OPN4: variants seen among roughly 807,000 people sequenced by gnomAD.
OPN4 encodes the protein opsin 4, also known as melanopsin.
In OPN4, 43 loss-of-function variants were observed where a neutral mutation model predicts 49.5. The observed-to-expected ratio is 0.87, with a 90% CI of 0.68 to 1.12. The LOEUF (loss-of-function observed/expected upper bound fraction) is 1.12. OPN4 is among the 50% of genes most tolerant of loss of function. OPN4 has a pLI of 0.00. For synonymous variants in OPN4, 263 were observed against 258.0 expected, an observed-to-expected ratio of 1.02 and a Z score of -0.19; for missense variants, 657 against 643.9, an observed-to-expected ratio of 1.02 and a Z score of -0.22.
chr10:86,658,716 G>A (rs1483014017), intron 4 of OPN4, 29 bp downstream of exon 4: 1 of 1,605,186 alleles, frequency 6.2e-7, no homozygotes, highest in African/African-American at 1.3e-5. Flanking sequence ...CTGGAAGGGG[G>A]GCAGATGGGC....
chr10:86,660,149 C>A, intron 6 of OPN4, 90 bp downstream of exon 6: 4 of 1,438,992 alleles, frequency 2.8e-6, no homozygotes, highest in South Asian at 2.4e-5. Flanking sequence ...CAGCCCAACC[C>A]CGGCCAGCCA....
At chr10:86,659,848 G>T in intron 5 of OPN4, 47 bp from the exon 6 acceptor site, 1 of 1,602,564 alleles carries the variant, frequency 6.2e-7, no homozygotes, top group South Asian at 1.1e-5. Flanking sequence ...CCCTGGTGCT[G>T]ACTGCCACCC....
At position 86,661,309 on chromosome 10, in the gene OPN4, AGCTCGGT is replaced by A; in HGVS notation, c.997_1003del (p.Ser333GlnfsTer59). On this transcript the variant is annotated frameshift_variant, in exon 7 of 10. Coordinates refer to ENST00000241891, the MANE Select transcript of OPN4 (RefSeq NM_033282.4). LOFTEE classifies it high-confidence loss of function. ...CGCACACGTCCTGACACCCTACATG[AGCTCGGT>A]GCCAGCCGTCATCGCCAAGGCCTCT... 6.2e-7 allele frequency: 1 copy of A among 1,613,932 alleles called. No individual in the cohort carries two copies. Among genetic ancestry groups the A allele is most frequent in the Non-Finnish European group, 8.5e-7 (1 of 1,179,970 alleles).
intron 2 of OPN4, among the ~76,000 whole-genome samples, chr10:86,656,642 C>T (rs1025073988): frequency 1.3e-5 from 2 of 152,148 alleles, no homozygotes; most frequent in Non-Finnish European, 2.9e-5. Flanking sequence ...CATCCTCCCC[C>T]TGCGTTGAAG....
At position 86,666,417 on chromosome 10, in the gene OPN4, AG is replaced by A. The variant is rs768583751; in HGVS notation, c.*669del. ...CCTCCCAGGGCTGTGTGGATCTGAC[AG>A]GGTATAGGAAAATAAAAAGCGGAGA... On this transcript the variant is annotated 3_prime_UTR_variant, in exon 10 of 10. Transcript: ENST00000241891. 1.0e-5 allele frequency: 2 copies of A among 197,608 alleles called. No homozygotes were observed. Among genetic ancestry groups the A allele is most frequent in the Non-Finnish European group, 2.1e-5 (2 of 94,996 alleles). 12.2% of individuals were successfully genotyped at this position (197,608 alleles called of 1,614,324 possible).
intron 9 of OPN4, 86 bp from the exon 10 acceptor site, chr10:86,665,627 G>T: frequency 8.7e-7 from 1 of 1,147,448 alleles, no homozygotes. Context: ...CCCACTGCTC[G>T]GTGACCCAGT....
chr10:86,656,193 C>A lies in OPN4; in HGVS notation c.183C>A (p.Pro61=). 2 of 1,614,194 alleles carry A rather than the reference C, an allele frequency of 1.2e-6. No individual in the cohort carries two copies. The highest frequency in any genetic ancestry group is 1.7e-4 in the Middle Eastern group (1 of 6,060). ...GGGCTGCTGCCTGGGTCCCCCTCCC[C>A]ACGGTTGATGTTCCAGACCATGCCC... ...GTWAAAWVPL[P]TVDVPDHAHY... The change falls in exon 2 of 10, where the codon CCC becomes CCA. Residue 61 remains proline (P), a synonymous_variant. Coordinates refer to ENST00000241891, the MANE Select transcript of OPN4 (RefSeq NM_033282.4).
chr10:86,656,472 T>A, intron 2 of OPN4, among the ~76,000 whole-genome samples, 172 bp downstream of exon 2: 1 of 152,092 alleles, frequency 6.6e-6, no homozygotes, highest in Non-Finnish European at 1.5e-5. Context: ...TTCCTGAAGG[T>A]CACGGAAAGG....
rs775935585 is a variant in OPN4, at chr10:86,654,780, C to G, written c.-4C>G. The G allele has an allele frequency of 6.2e-7, 1 of 1,609,576 alleles. No homozygotes were observed. Among genetic ancestry groups the G allele is most frequent in the Non-Finnish European group, 8.5e-7 (1 of 1,176,780 alleles). On this transcript the variant is annotated 5_prime_UTR_variant, in exon 1 of 10. Coordinates refer to ENST00000241891, the MANE Select transcript of OPN4 (RefSeq NM_033282.4). ...GGCTCGAGCAAGGACCATCCCAACT[C>G]AGGATGAACCCTCCTTCGGGGCCAA... is the stretch of plus-strand genomic sequence containing the variant.
At position 86,660,021 on chromosome 10, in the gene OPN4, G is replaced by T. The variant is rs1564621113; in HGVS notation, c.927G>T (p.Trp309Cys). 1 of 1,614,192 alleles carries T rather than the reference G, an allele frequency of 6.2e-7. No individual in the cohort carries two copies. The highest frequency in any genetic ancestry group is 8.5e-7 in the Non-Finnish European group (1 of 1,180,038). ...TCATCCTCCTCTTCGTGCTCTCCTGGGCTCCCTATTCCGCTGTGGCCCTGG... is the reference window on the plus strand; with the variant it reads ...TCATCCTCCTCTTCGTGCTCTCCTGTGCTCCCTATTCCGCTGTGGCCCTGG... ...LLVILLFVLS[W>C]APYSAVALVA... is the part of the protein sequence containing the mutation. The change falls in exon 6 of 10, where the codon TGG becomes TGT. Residue 309 changes from tryptophan (W) to cysteine (C), a missense_variant. Transcript: ENST00000241891.
intron 9 of OPN4, chr10:86,664,078 G>A (rs1205302127): frequency 1.0e-5 from 4 of 401,278 alleles, no homozygotes; most frequent in Non-Finnish European, 1.8e-5. Flanking sequence ...GCTGTGCTGT[G>A]GCATGATAAG....
At chr10:86,665,051 G>A (rs2803553) in intron 9 of OPN4, among the ~76,000 whole-genome samples, 14,710 of 152,238 alleles carry the variant, frequency 0.097, 948 homozygotes, top group Middle Eastern at 0.14. Context: ...AGTGGGGGGA[G>A]CACTGAGCTG....
intron 1 of OPN4, 134 bp from the exon 2 acceptor site, chr10:86,656,021 T>C (rs1843852167): frequency 9.1e-7 from 1 of 1,093,998 alleles, no homozygotes; most frequent in South Asian, 1.5e-5. Context: ...GTGAGCTGTG[T>C]GTGCAACTGG....
intron 6 of OPN4, 66 bp downstream of exon 6, chr10:86,660,125 C>G: frequency 6.4e-7 from 1 of 1,564,452 alleles, no homozygotes; most frequent in Non-Finnish European, 8.8e-7. Context: ...GAAGCCTGGC[C>G]AGCCTCTCCT....
In OPN4 at chr10:86,663,794, C is replaced by G. The variant is rs753806379; in HGVS notation, c.1390C>G (p.Pro464Ala). Reference sequence around the variant, plus strand: ...ACCCCAGGGACACGAAGCAGAGACTCCAGGGAAGGTGACTGGGCCCGGTAC... The same window carrying G: ...ACCCCAGGGACACGAAGCAGAGACTGCAGGGAAGGTGACTGGGCCCGGTAC... ...PRPQGHEAET[P>A]GKTKGLIPSQ... The change falls in exon 9 of 10, where the codon CCA (proline) becomes GCA (alanine). Residue 464 changes from proline (P) to alanine (A), a missense_variant. Transcript: ENST00000241891. 1 of 1,552,784 alleles carries G rather than the reference C, an allele frequency of 6.4e-7. No homozygotes were observed. Among genetic ancestry groups the G allele is most frequent in the South Asian group, 1.2e-5 (1 of 84,132 alleles).
intron 6 of OPN4, among the ~76,000 whole-genome samples, chr10:86,660,267 G>T (rs138970556): frequency 2.6e-4 from 39 of 152,240 alleles, no homozygotes; most frequent in African/African-American, 9.2e-4. Flanking sequence ...CAGGGCACAT[G>T]CAGAGGAGCT....
At chr10:86,656,413 C>T in intron 2 of OPN4, 113 bp downstream of exon 2, 2 of 1,346,696 alleles carry the variant, frequency 1.5e-6, no homozygotes, top group Non-Finnish European at 2.0e-6. Context: ...ACTGTTGAGG[C>T]TAGGCAAGGA....
intron 2 of OPN4, among the ~76,000 whole-genome samples, chr10:86,657,526 G>A (rs1288615632): frequency 1.3e-5 from 2 of 152,130 alleles, no homozygotes; most frequent in African/African-American, 4.8e-5. Context: ...AGAGTGGGAG[G>A]GGGACCCGCG....
At chr10:86,661,624 C>T (rs1412224865) in intron 7 of OPN4, among the ~76,000 whole-genome samples, 1 of 152,118 alleles carries the variant, frequency 6.6e-6, no homozygotes, top group Admixed American at 6.5e-5. Flanking sequence ...AGTGTCCAGT[C>T]CTAACTATGG....
Sources: allele counts gnomAD v4.1 joint callset (sites outside exome capture counted in the v4.1 genomes callset), GRCh38; gene constraint gnomAD v4.1.1; transcripts MANE v1.5; gene names NCBI Gene and HGNC (gene_info 2026-07-23, HGNC 2026-07-21).